The following RAP1B variants were observed in gnomAD, a reference collection of about 807,000 sequenced individuals.
RAP1B encodes the protein RAP1B, member of RAS oncogene family, also known as ras-related protein Rap-1b.
RAP1B carries 1 observed loss-of-function variant against 27.5 expected under a neutral mutation model. The observed-to-expected ratio is 0.04, with a 90% CI of 0.01 to 0.17. RAP1B has a LOEUF of 0.17. Ranked by LOEUF, RAP1B falls within the 10% of genes least tolerant of loss-of-function variation. The probability of loss-of-function intolerance (pLI) is 1.00; values close to 1 mark genes in which losing one functional copy is unlikely to be tolerated. For synonymous variants in RAP1B, 75 were observed against 73.1 expected (o/e 1.03, Z -0.13); for missense variants, 84 against 214.8 (o/e 0.39, Z 3.81).
At chr12:68,623,199 T>G (rs2468430) in intron 1 of RAP1B, among the ~76,000 whole-genome samples, 19,759 of 152,182 alleles carry the variant, frequency 0.13, 1,495 homozygotes, top group East Asian at 0.24. Context: ...AGTTAACCAG[T>G]ATAAAACTGT....
intron 1 of RAP1B, among the ~76,000 whole-genome samples, chr12:68,643,460 T>C (rs578075506): frequency 6.6e-6 from 1 of 152,334 alleles, no homozygotes; most frequent in African/African-American, 2.4e-5. Flanking sequence ...TCTTTTTCTA[T>C]AAAGCACTTA....
intron 1 of RAP1B, chr12:68,642,615 C>A (rs972235150): frequency 1.9e-6 from 2 of 1,034,238 alleles, no homozygotes; most frequent in East Asian, 2.4e-5. Flanking sequence ...GTCATCTGAT[C>A]AAATGGAATT....
chr12:68,653,393 T>C (rs1477461036), intron 4 of RAP1B, among the ~76,000 whole-genome samples: 1 of 146,826 alleles, frequency 6.8e-6, no homozygotes, highest in Non-Finnish European at 1.5e-5. Flanking sequence ...GCTCACAGTC[T>C]AGCAAAGAAA....
In RAP1B at chr12:68,669,306, T is replaced by C. The variant is rs532650184; in HGVS notation, c.*10057T>C. 1.3e-5 allele frequency: 2 copies of C among 152,222 alleles called. No homozygotes were observed. Among genetic ancestry groups the C allele is most frequent in the Admixed American group, 6.5e-5 (1 of 15,290 alleles). The allele number at this position is 152,222 out of a possible 1,614,324, so 9.4% of individuals were successfully genotyped here. ...AAGATAATATCATAAAAATATCAAT[T>C]CCCCCAAATTAGCATGTTAATGTAT... On this transcript the variant is annotated 3_prime_UTR_variant, in exon 8 of 8. Coordinates refer to ENST00000250559, the MANE Select transcript of RAP1B (RefSeq NM_001010942.3).
At chr12:68,641,792 T>TA (rs35769842) in intron 1 of RAP1B, among the ~76,000 whole-genome samples, 8,839 of 146,136 alleles carry the variant, frequency 0.06, 349 homozygotes, top group Middle Eastern at 0.13. Flanking sequence ...GAATCAAAGG[T>TA]AAAAAAAAAA....
intron 5 of RAP1B, 30 bp from the exon 6 acceptor site, chr12:68,656,276 T>A (rs1874199897): frequency 6.4e-7 from 1 of 1,561,186 alleles, no homozygotes; most frequent in Non-Finnish European, 8.8e-7. Context: ...ATTTACTTAT[T>A]TATTTTTACT....
intron 1 of RAP1B, among the ~76,000 whole-genome samples, chr12:68,639,924 T>C (rs973986037): frequency 6.6e-6 from 1 of 151,930 alleles, no homozygotes; most frequent in Non-Finnish European, 1.5e-5. Flanking sequence ...CACTGTAGCC[T>C]CTGCCTCCTG....
chr12:68,650,351 A>G, intron 2 of RAP1B, 49 bp from the exon 3 acceptor site: 1 of 1,444,742 alleles, frequency 6.9e-7, no homozygotes. Context: ...TAAAGATTGA[A>G]TGTACTCTTT....
chr12:68,631,874 A>G (rs1786242185), intron 1 of RAP1B, among the ~76,000 whole-genome samples: 1 of 152,150 alleles, frequency 6.6e-6, no homozygotes, highest in Admixed American at 6.5e-5. Context: ...ATATGAAATA[A>G]GAAGCAAATT....
At chr12:68,638,891 C>T (rs1334768165) in intron 1 of RAP1B, among the ~76,000 whole-genome samples, 3 of 152,108 alleles carry the variant, frequency 2.0e-5, no homozygotes, top group Non-Finnish European at 4.4e-5. Flanking sequence ...GAATTCCTCA[C>T]TTCAAGTGAT....
rs63676662 is a variant in RAP1B, at chr12:68,662,008, C to CTATATATATATATATATATATATATATA, written c.*2784_*2785insATATATATATATATATATATATATATAT. The CTATATATATATATATATATATATATATA allele has an allele frequency of 1.2e-4, 16 of 133,886 alleles. No individual in the cohort carries two copies. Among genetic ancestry groups the CTATATATATATATATATATATATATATA allele is most frequent in the Non-Finnish European group, 1.9e-4 (12 of 63,378 alleles). 8.3% of individuals were successfully genotyped at this position (133,886 alleles called of 1,614,324 possible). A position where few individuals can be genotyped will look rare whatever the true frequency, so the allele number is the denominator to read the frequency against. ...TGAATGCCAGTGCTATCCTCTAGGT[C>CTATATATATATATATATATATATATATA]TATATATATATATATATATATATAT... On this transcript the variant is annotated 3_prime_UTR_variant, in exon 8 of 8. Transcript: ENST00000250559.
intron 1 of RAP1B, chr12:68,624,584 G>A (rs1871612332): frequency 6.6e-6 from 1 of 152,164 alleles, no homozygotes; most frequent in Admixed American, 6.5e-5. Context: ...GGGAGGCCAG[G>A]GCGGGCGGAT....
chr12:68,614,059 C>T (rs1013373658), intron 1 of RAP1B, among the ~76,000 whole-genome samples: 1 of 152,176 alleles, frequency 6.6e-6, no homozygotes, highest in African/African-American at 2.4e-5. Context: ...CTATCTAATT[C>T]AAGATTGGTG....
Position 68,666,310 on chromosome 12 carries a change from T to A in RAP1B, c.*7061T>A, listed in dbSNP as rs1874848140. The A allele has an allele frequency of 6.6e-6, 1 of 152,236 alleles. No homozygotes were observed. 9.4% of individuals were successfully genotyped at this position (152,236 alleles called of 1,614,324 possible). On this transcript the variant is annotated 3_prime_UTR_variant, in exon 8 of 8. Transcript: ENST00000250559. ...ATTGGATTCTCGTATGTTGATCTAT[T>A]TCTATTGTTTTCTAAAAAAAAGTTA...
At chr12:68,649,819 A>C (rs915720834) in intron 2 of RAP1B, 1 of 152,346 alleles carries the variant, frequency 6.6e-6, no homozygotes, top group African/African-American at 2.4e-5. Flanking sequence ...TTAAGCTCTT[A>C]AGACTGAAAC....
At chr12:68,615,014 C>T (rs1870880397) in intron 1 of RAP1B, among the ~76,000 whole-genome samples, 1 of 152,146 alleles carries the variant, frequency 6.6e-6, no homozygotes. Context: ...TCTCTTTGGT[C>T]GTGGAGAGTT....
intron 1 of RAP1B, among the ~76,000 whole-genome samples, chr12:68,625,689 G>C (rs933938297): frequency 6.6e-6 from 1 of 152,190 alleles, no homozygotes; most frequent in African/African-American, 2.4e-5. Flanking sequence ...GGGAGGCCGA[G>C]GCGGGTGGAT....
intron 1 of RAP1B, among the ~76,000 whole-genome samples, chr12:68,618,258 T>C (rs1225622489): frequency 2.6e-5 from 4 of 151,854 alleles, no homozygotes; most frequent in Non-Finnish European, 4.4e-5. Flanking sequence ...GGCTAATTTT[T>C]TTTGTATTTT....
At chr12:68,637,780 G>C (rs947156616) in intron 1 of RAP1B, among the ~76,000 whole-genome samples, 4 of 151,952 alleles carry the variant, frequency 2.6e-5, no homozygotes, top group African/African-American at 9.7e-5. Context: ...AACTGAGTTT[G>C]GGCCTCAAAC....
Sources: gnomAD v4.1 joint callset for allele counts (sites outside exome capture counted in the v4.1 genomes callset) on GRCh38, gnomAD v4.1.1 for gene constraint, MANE v1.5 for transcripts, NCBI Gene and HGNC (gene_info 2026-07-23, HGNC 2026-07-21) for gene names.